Variants in GABRA3 observed in about 807,000 individuals in gnomAD.
GABRA3 encodes the protein gamma-aminobutyric acid type A receptor subunit alpha3, also known as gamma-aminobutyric acid receptor subunit alpha-3.
GABRA3 carries 10 observed loss-of-function variants against 30.1 expected under a neutral mutation model. That is an observed-to-expected ratio of 0.33 (90% CI 0.20 to 0.56). The LOEUF (loss-of-function observed/expected upper bound fraction) is 0.56, where lower values mean the gene tolerates loss of function less well. Among genes scored for constraint, GABRA3 ranks in the 20% least tolerant of loss-of-function variants. The pLI is 0.89. For synonymous variants in GABRA3, 151 were observed against 146.8 expected (o/e 1.03, Z -0.21); for missense variants, 233 against 392.0 (o/e 0.59, Z 3.42).
chrX:152,318,889 C>T (rs1040680139), intron 3 of GABRA3, among the ~76,000 whole-genome samples: 19 of 111,277 alleles, frequency 1.7e-4, no homozygotes, highest in Admixed American at 5.7e-4. Flanking sequence ...TAATACTAAA[C>T]GGAGAAAAGT....
At chrX:152,180,228 A>G (rs1454808326) in intron 9 of GABRA3, among the ~76,000 whole-genome samples, 2 of 112,288 alleles carry the variant, frequency 1.8e-5, no homozygotes, top group African/African-American at 6.5e-5. Context: ...GGTCTTTTTG[A>G]TAACAGACAT....
rs778242713 is a variant in GABRA3, at chrX:152,339,953, G to T, written c.262+5628C>A. On this transcript the variant is annotated intron_variant, in intron 3 of 9. Coordinates refer to ENST00000370314, the MANE Select transcript of GABRA3 (RefSeq NM_000808.4). The stretch of plus-strand genomic sequence containing the variant: ...GTGCATTTCTCTCAGGGAGAAATTT[G>T]CTCTTTTTAAATCCAATCTGACCAC... Among the ~76,000 whole-genome samples, 8 of 111,598 alleles carry T rather than the reference G, an allele frequency of 7.2e-5. No individual in the cohort carries two copies. The South Asian group carries it at 3.0e-3, about 42-fold the overall frequency.
chrX:152,182,311 A>ATG (rs1214130213), intron 9 of GABRA3, among the ~76,000 whole-genome samples: 3 of 94,959 alleles, frequency 3.2e-5, no homozygotes, highest in African/African-American at 4.3e-5. Context: ...ATATATATAT[A>ATG]TACACACACA....
chrX:152,438,171 CA>C (rs1930825771), intron 1 of GABRA3, among the ~76,000 whole-genome samples: 1 of 111,642 alleles, frequency 9.0e-6, no homozygotes, highest in South Asian at 3.7e-4. Context: ...GACAGCTCAG[CA>C]AAACAGATAA....
At chrX:152,245,372 C>T (rs1938446809) in intron 5 of GABRA3, among the ~76,000 whole-genome samples, 1 of 111,302 alleles carries the variant, frequency 9.0e-6, no homozygotes, top group African/African-American at 3.3e-5. Flanking sequence ...ATTATCAGTA[C>T]AGCATGAGTC....
intron 3 of GABRA3, among the ~76,000 whole-genome samples, chrX:152,325,076 A>C (rs1325572491): frequency 9.0e-6 from 1 of 111,510 alleles, no homozygotes; most frequent in East Asian, 2.8e-4. Context: ...ACTAGATAAC[A>C]CACCTTAGGC....
chrX:152,233,344 T>G (rs889108844), intron 5 of GABRA3, among the ~76,000 whole-genome samples: 3 of 111,321 alleles, frequency 2.7e-5, no homozygotes, highest in African/African-American at 9.8e-5. Context: ...TGGCTTTTGT[T>G]GCCATTGCTT....
At chrX:152,381,017 T>C (rs1324820292) in intron 1 of GABRA3, among the ~76,000 whole-genome samples, 1 of 111,356 alleles carries the variant, frequency 9.0e-6, no homozygotes, top group East Asian at 2.8e-4. Context: ...AATAGATTCG[T>C]TCCTAGGAGA....
intron 3 of GABRA3, among the ~76,000 whole-genome samples, chrX:152,290,749 A>G (rs935069301): frequency 8.9e-6 from 1 of 111,966 alleles, no homozygotes; most frequent in African/African-American, 3.2e-5. Flanking sequence ...CAGTTTTCCC[A>G]GCACCATTTA....
chrX:152,215,283 T>G (rs1423337880), intron 6 of GABRA3, among the ~76,000 whole-genome samples: 1 of 110,004 alleles, frequency 9.1e-6, no homozygotes, highest in African/African-American at 3.3e-5. Flanking sequence ...TTCAGTATGA[T>G]GTTTGCTGTA....
chrX:152,179,497 T>C (rs1232371352), intron 9 of GABRA3, among the ~76,000 whole-genome samples: 5 of 100,757 alleles, frequency 5.0e-5, no homozygotes, highest in Non-Finnish European at 9.9e-5. Flanking sequence ...TGAGTTCAAT[T>C]TTTTTTTTTT....
At chrX:152,338,941 T>C (rs1287664490) in intron 3 of GABRA3, among the ~76,000 whole-genome samples, 2 of 111,887 alleles carry the variant, frequency 1.8e-5, no homozygotes, top group African/African-American at 6.5e-5. Flanking sequence ...AGTTTCACAG[T>C]TGATTTTGAA....
In GABRA3 at chrX:152,319,454, G is replaced by T. The variant is rs112765558; in HGVS notation, c.262+26127C>A. Among the ~76,000 whole-genome samples the T allele has an allele frequency of 7.9e-3, 878 of 111,638 alleles. 11 individuals are homozygous for T. Among genetic ancestry groups the T allele is most frequent in the African/African-American group, 0.028 (847 of 30,790 alleles). On this transcript the variant is annotated intron_variant, in intron 3 of 9. Transcript: ENST00000370314. Reference sequence around the variant, plus strand: ...TTACAGCCAACTGATCTTCCACAAAGCAAGCAAAAACATAAAATGGGGAAA... The same window carrying T: ...TTACAGCCAACTGATCTTCCACAAATCAAGCAAAAACATAAAATGGGGAAA...
chrX:152,357,075 T>C (rs923522415), intron 2 of GABRA3, among the ~76,000 whole-genome samples: 5 of 112,075 alleles, frequency 4.5e-5, no homozygotes, highest in Admixed American at 9.5e-5. Context: ...GTCTTTATGA[T>C]AGAATGAGGT....
rs750181793 is a variant in GABRA3 at position 152,278,880 on chromosome X, ATG to A, written c.330+5786_330+5787del. Among the ~76,000 whole-genome samples, 7 of 111,659 alleles carry A rather than the reference ATG, an allele frequency of 6.3e-5. No homozygotes were observed. In the South Asian group the frequency reaches 2.6e-3, roughly 42 times the overall value. ...TGCCACTGATGATGAGCATTTTTTC[ATG>A]TGTCTTTTGGCTGCATAAATGTCTT... On this transcript the variant is annotated intron_variant, in intron 4 of 9. Transcript: ENST00000370314.
At chrX:152,344,812 C>A (rs1940366469) in intron 3 of GABRA3, among the ~76,000 whole-genome samples, 1 of 111,167 alleles carries the variant, frequency 9.0e-6, no homozygotes, top group African/African-American at 3.3e-5. Flanking sequence ...ACAGACACAA[C>A]AATAAATGTA....
At chrX:152,351,029 G>A (rs11798075) in intron 2 of GABRA3, among the ~76,000 whole-genome samples, 16,606 of 111,312 alleles carry the variant, frequency 0.15, 1,162 homozygotes, top group African/African-American at 0.27. Flanking sequence ...TCGGTAAACC[G>A]TGCTATAAAC....
At position 152,168,454 on chromosome X, in the gene GABRA3, T is replaced by G. The variant is rs754211358; in HGVS notation, c.1253A>C (p.Lys418Thr). 1 of 1,211,362 alleles carries G rather than the reference T, an allele frequency of 8.3e-7. No individual in the cohort carries two copies. The highest frequency in any genetic ancestry group is 1.1e-6 in the Non-Finnish European group (1 of 895,093). ...TGAGGAGGCACTGGGAGCAGCGCCC[T>G]TGGAGATGGTGGAAAATTCAGTGTC... ...AKDTEFSTISKGAAPSASSTP... is the reference protein window; with the variant it reads ...AKDTEFSTISTGAAPSASSTP... The change falls in exon 10 of 10, where the codon AAG becomes ACG. Residue 418 changes from lysine (K) to threonine (T), a missense_variant. Around this residue, in one of 6 missense-constraint regions of GABRA3, gnomAD observed 66 missense variants for 57.1 expected, o/e 1.16. Coordinates refer to ENST00000370314, the MANE Select transcript of GABRA3 (RefSeq NM_000808.4).
chrX:152,186,401 C>A (rs907421484), intron 9 of GABRA3, among the ~76,000 whole-genome samples: 3 of 110,294 alleles, frequency 2.7e-5, no homozygotes, highest in Non-Finnish European at 5.7e-5. Context: ...GGGGTTCCGC[C>A]ATGTTGGCCA....
Sources: gnomAD v4.1 joint callset for allele counts (sites outside exome capture counted in the v4.1 genomes callset) on GRCh38, gnomAD v4.1.1 for gene constraint, gnomAD v4.1.1 regional missense constraint, MANE v1.5 for transcripts, NCBI Gene and HGNC (gene_info 2026-07-23, HGNC 2026-07-21) for gene names.